PPP2R2C: variants seen among roughly 807,000 people sequenced by gnomAD.
PPP2R2C encodes protein phosphatase 2 regulatory subunit Bgamma, also known as protein phosphatase 2, regulatory subunit B, gamma.
Under a neutral mutation model 45.3 loss-of-function variants are expected in PPP2R2C, and 10 were observed. That is an observed-to-expected ratio of 0.22 (90% CI 0.14 to 0.37). PPP2R2C has a LOEUF of 0.37. PPP2R2C is among the 10% of genes least tolerant of loss of function. The probability of loss-of-function intolerance (pLI) is 1.00; values close to 1 mark genes in which losing one functional copy is unlikely to be tolerated. For missense variants in PPP2R2C, 308 were observed against 619.7 expected, an observed-to-expected ratio of 0.50 and a Z score of 5.34; for synonymous variants, 257 against 245.4, an observed-to-expected ratio of 1.05 and a Z score of -0.44.
intron 2 of PPP2R2C, among the ~76,000 whole-genome samples, chr4:6,502,204 C>A (rs547801784): frequency 6.6e-6 from 1 of 152,294 alleles, no homozygotes; most frequent in East Asian, 1.9e-4. Flanking sequence ...TGAGTCCCAC[C>A]TTCGGGAGCT....
chr4:6,382,972 G>A lies in PPP2R2C; in HGVS notation c.71-1878C>T, dbSNP rs945822109. 21 of 1,072,492 alleles carry A rather than the reference G, an allele frequency of 2.0e-5. No individual in the cohort carries two copies. In the African/African-American group the frequency reaches 3.4e-4, roughly 17 times the overall value. The allele number at this position is 1,072,492 out of a possible 1,614,324, so 66.4% of individuals were successfully genotyped here. On this transcript the variant is annotated intron_variant, in intron 1 of 8. Transcript: ENST00000382599. ...GGCAGCCCCCACCTGCCGAGGCCCA[G>A]GTGGGCCGCATCTGGAGCCAAACCT...
At chr4:6,421,137 C>G in intron 1 of PPP2R2C, 1 of 984,980 alleles carries the variant, frequency 1.0e-6, no homozygotes. Flanking sequence ...GAGCCCTAGG[C>G]TCAGCCCATC....
chr4:6,351,577 CTCTT>C (rs1384231942), intron 5 of PPP2R2C, among the ~76,000 whole-genome samples: 1 of 152,316 alleles, frequency 6.6e-6, no homozygotes, highest in East Asian at 1.9e-4. Context: ...ATCTCTCCTG[CTCTT>C]TCTCTCTGTC....
At chr4:6,540,616 A>G (rs190715706) in intron 1 of PPP2R2C, among the ~76,000 whole-genome samples, 1 of 152,344 alleles carries the variant, frequency 6.6e-6, no homozygotes, top group East Asian at 1.9e-4. Context: ...GGGTCATGAG[A>G]TAAATCTATG....
chr4:6,524,429 C>G (rs1288090840), intron 2 of PPP2R2C, among the ~76,000 whole-genome samples: 1 of 152,170 alleles, frequency 6.6e-6, no homozygotes, highest in African/African-American at 2.4e-5. Context: ...CTGAGTATGA[C>G]AAGTTAAAAT....
At chr4:6,433,448 G>A (rs1047861654) in intron 1 of PPP2R2C, among the ~76,000 whole-genome samples, 1 of 152,090 alleles carries the variant, frequency 6.6e-6, no homozygotes, top group South Asian at 2.1e-4. Flanking sequence ...AAGTAGCGTC[G>A]CCTGAAACGG....
At chr4:6,386,660 A>G (rs1716237263) in intron 1 of PPP2R2C, among the ~76,000 whole-genome samples, 1 of 152,260 alleles carries the variant, frequency 6.6e-6, no homozygotes. Context: ...TTATGCTATC[A>G]TTCACAACAC....
At chr4:6,366,307 G>C (rs903195242) in intron 5 of PPP2R2C, among the ~76,000 whole-genome samples, 1 of 152,202 alleles carries the variant, frequency 6.6e-6, no homozygotes, top group Non-Finnish European at 1.5e-5. Flanking sequence ...CAAAGCCCGG[G>C]CTCCTTCTCC....
intron 2 of PPP2R2C, among the ~76,000 whole-genome samples, chr4:6,482,382 C>T (rs1305727412): frequency 1.3e-5 from 2 of 152,198 alleles, no homozygotes; most frequent in Non-Finnish European, 2.9e-5. Context: ...TGACCTGAAG[C>T]CAGACAATCT....
At chr4:6,371,863 G>A (rs1044531338) in intron 5 of PPP2R2C, among the ~76,000 whole-genome samples, 2 of 152,170 alleles carry the variant, frequency 1.3e-5, no homozygotes, top group South Asian at 4.2e-4. Flanking sequence ...GCAGAATAGT[G>A]ACATCACAGC....
At chr4:6,400,655 G>C (rs935906971) in intron 1 of PPP2R2C, among the ~76,000 whole-genome samples, 11 of 152,208 alleles carry the variant, frequency 7.2e-5, no homozygotes, top group African/African-American at 2.7e-4. Flanking sequence ...AAGTAACTAA[G>C]GCGTCTATTG....
At chr4:6,457,568 C>A (rs1721110485) in intron 1 of PPP2R2C, among the ~76,000 whole-genome samples, 1 of 152,012 alleles carries the variant, frequency 6.6e-6, no homozygotes. Context: ...GAGACAGGGT[C>A]TCACTATATT....
intron 5 of PPP2R2C, among the ~76,000 whole-genome samples, chr4:6,359,352 G>C (rs925601485): frequency 3.3e-5 from 5 of 152,108 alleles, no homozygotes; most frequent in Non-Finnish European, 7.4e-5. Context: ...TCATGGAGTG[G>C]GGGAATGGAG....
intron 2 of PPP2R2C, among the ~76,000 whole-genome samples, chr4:6,487,108 T>C (rs1722553714): frequency 1.3e-5 from 2 of 152,110 alleles, no homozygotes; most frequent in Admixed American, 1.3e-4. Context: ...TAGATTAAGA[T>C]ACTTATACTT....
At chr4:6,372,460 C>T (rs1262725826) in intron 5 of PPP2R2C, 63 bp downstream of exon 5, 2 of 1,549,660 alleles carry the variant, frequency 1.3e-6, no homozygotes, top group African/African-American at 1.4e-5. Context: ...CAAACCAAAC[C>T]CACCACCCAA....
intron 1 of PPP2R2C, chr4:6,382,379 G>A: frequency 7.4e-7 from 1 of 1,346,302 alleles, no homozygotes. Context: ...GTTGCTCCCT[G>A]TAGCCACAGA....
At position 6,364,922 on chromosome 4, in the gene PPP2R2C, T is replaced by C. The variant is rs753179785; in HGVS notation, c.625+7601A>G. ...ATCGAGGCTTGAGCAAGAAGAAGACTATCTTTTTGCTCACCTAGAAAGTTC... is the reference window on the plus strand; with the variant it reads ...ATCGAGGCTTGAGCAAGAAGAAGACCATCTTTTTGCTCACCTAGAAAGTTC... On this transcript the variant is annotated intron_variant, in intron 5 of 8. Coordinates refer to ENST00000382599, the MANE Select transcript of PPP2R2C (RefSeq NM_020416.4). This position sits in a 1 kb window ranked among gnomAD's most constrained non-coding sequence, Gnocchi z 5.3. 2.0e-5 allele frequency among the ~76,000 whole-genome samples: 3 copies of C among 152,156 alleles called. No homozygotes were observed. The highest frequency in any genetic ancestry group is 2.0e-4 in the Admixed American group (3 of 15,274).
chr4:6,323,319 T>C lies in PPP2R2C; in HGVS notation c.1327A>G (p.Asn443Asp), dbSNP rs766669913. 1 of 1,604,322 alleles carries C rather than the reference T, an allele frequency of 6.2e-7. No individual in the cohort carries two copies. The highest frequency in any genetic ancestry group is 8.5e-7 in the Non-Finnish European group (1 of 1,171,952). The change falls in exon 9 of 9, where the codon AAC (asparagine) becomes GAC (aspartate). Residue 443 changes from asparagine to aspartate, a missense_variant. Asn to Asp is a conservative substitution (Grantham distance 23). Transcript: ENST00000382599. Reference protein sequence around the residue: ...NNLYIFQDKVNSDMH With the variant: ...NNLYIFQDKVDSDMH Reference sequence around the variant, plus strand: ...GCACATACCTAGTGCATGTCAGAGTTTACCTTGTCCTGGAAGATGTACAGG... The same window carrying C: ...GCACATACCTAGTGCATGTCAGAGTCTACCTTGTCCTGGAAGATGTACAGG...
intron 2 of PPP2R2C, among the ~76,000 whole-genome samples, chr4:6,495,999 C>A (rs936585116): frequency 2.0e-5 from 3 of 152,164 alleles, no homozygotes; most frequent in African/African-American, 7.2e-5. Flanking sequence ...TCCTTGGTGC[C>A]CCTTGGCTTG....
Sources: allele counts gnomAD v4.1 joint callset (sites outside exome capture counted in the v4.1 genomes callset), GRCh38; gene constraint gnomAD v4.1.1; non-coding constraint Gnocchi (gnomAD v3.1); transcripts MANE v1.5; gene names NCBI Gene and HGNC (gene_info 2026-07-23, HGNC 2026-07-21).